Variants in LRP1B observed in about 807,000 individuals in gnomAD.
LRP1B encodes the protein low-density lipoprotein receptor-related protein 1B.
Under a neutral mutation model 556.6 loss-of-function variants are expected in LRP1B, and 217 were observed. That is an observed-to-expected ratio of 0.39 (90% CI 0.35 to 0.44). The LOEUF (loss-of-function observed/expected upper bound fraction) is 0.44. LRP1B is among the 20% of genes least tolerant of loss of function. The pLI is 1.00. For missense variants in LRP1B, 5,053 were observed against 5,620.8 expected (o/e 0.90, Z 3.23); for synonymous variants, 2,047 against 1,865.8 (o/e 1.10, Z -2.50).
At chr2:140,608,327 T>C (rs968137648) in intron 41 of LRP1B, among the ~76,000 whole-genome samples, 3 of 152,170 alleles carry the variant, frequency 2.0e-5, no homozygotes, top group African/African-American at 4.8e-5. Context: ...CTGGTTCCAG[T>C]GAATGAGAAC....
At chr2:140,345,944 C>G (rs1681655620) in intron 77 of LRP1B, among the ~76,000 whole-genome samples, 1 of 149,418 alleles carries the variant, frequency 6.7e-6, no homozygotes, top group South Asian at 2.1e-4. Flanking sequence ...GGCCTTTACT[C>G]ATCTTATCTT....
intron 7 of LRP1B, among the ~76,000 whole-genome samples, chr2:141,141,572 C>G (rs2105056960): frequency 6.6e-6 from 1 of 152,216 alleles, no homozygotes; most frequent in East Asian, 1.9e-4. Flanking sequence ...GTTTTATCAT[C>G]AACGATGATT....
chr2:141,469,808 A>C (rs1682391889), intron 3 of LRP1B, among the ~76,000 whole-genome samples: 1 of 152,124 alleles, frequency 6.6e-6, no homozygotes, highest in Non-Finnish European at 1.5e-5. Flanking sequence ...TCAATGTTTC[A>C]CTTTCCAGGG....
chr2:142,006,176 T>A (rs76601560), intron 1 of LRP1B, among the ~76,000 whole-genome samples: 2,307 of 152,290 alleles, frequency 0.015, 30 homozygotes, highest in East Asian at 0.067. Flanking sequence ...CATCCTTGCA[T>A]GTTTTAAGTT....
intron 76 of LRP1B, among the ~76,000 whole-genome samples, chr2:140,351,355 C>T (rs1292239691): frequency 6.6e-6 from 1 of 151,900 alleles, no homozygotes; most frequent in African/African-American, 2.4e-5. Context: ...GGTTATAATG[C>T]ATCAATTGTC....
At chr2:140,779,753 AGAGTGTGTGTGT>A (rs1304154948) in intron 32 of LRP1B, among the ~76,000 whole-genome samples, 2 of 134,006 alleles carry the variant, frequency 1.5e-5, no homozygotes, top group African/African-American at 2.8e-5. Context: ...TCTCTGTGAG[AGAGTGTGTGTGT>A]GTGTGTGTGT....
chr2:141,856,143 G>T (rs1046802191), intron 1 of LRP1B, among the ~76,000 whole-genome samples: 3 of 152,016 alleles, frequency 2.0e-5, no homozygotes, highest in Admixed American at 1.3e-4. Context: ...TTCATTTTAT[G>T]CAACCTTCTT....
chr2:141,634,608 T>C lies in LRP1B; in HGVS notation c.206-154075A>G, dbSNP rs1689036370. Among the ~76,000 whole-genome samples, 6 of 152,046 alleles carry C rather than the reference T, an allele frequency of 3.9e-5. No homozygotes were observed. In the South Asian group the frequency reaches 1.2e-3, roughly 31 times the overall value. On this transcript the variant is annotated intron_variant, in intron 2 of 90. Transcript: ENST00000389484. The stretch of plus-strand genomic sequence containing the variant: ...AAAATTTTAGAAAATGTGACTGTGC[T>C]TTATCTCACATTTATTATAAATATT...
At chr2:141,555,856 TC>T (rs1282852495) in intron 2 of LRP1B, among the ~76,000 whole-genome samples, 2 of 151,886 alleles carry the variant, frequency 1.3e-5, no homozygotes, top group Non-Finnish European at 2.9e-5. Flanking sequence ...ACAGGCACTT[TC>T]AAAAGCACTT....
chr2:140,770,366 T>C (rs914825236), intron 34 of LRP1B, among the ~76,000 whole-genome samples: 1 of 152,010 alleles, frequency 6.6e-6, no homozygotes, highest in Admixed American at 6.6e-5. Flanking sequence ...TAAAAGATCA[T>C]TCTAGAACCA....
In LRP1B at chr2:141,579,170, C is replaced by T. The variant is rs888300141; in HGVS notation, c.206-98637G>A. Among the ~76,000 whole-genome samples, 67 of 152,052 alleles carry T rather than the reference C, an allele frequency of 4.4e-4. 1 individual carries two copies. Among genetic ancestry groups the T allele is most frequent in the African/African-American group, 1.6e-3 (65 of 41,502 alleles). ...TCTTCTTTCTAAATGCAGCTGTAAACGATCTCTGCACAAACTATCCCGGTA... is the reference window on the plus strand; with the variant it reads ...TCTTCTTTCTAAATGCAGCTGTAAATGATCTCTGCACAAACTATCCCGGTA... On this transcript the variant is annotated intron_variant, in intron 2 of 90. Coordinates refer to ENST00000389484, the MANE Select transcript of LRP1B (RefSeq NM_018557.3).
intron 3 of LRP1B, among the ~76,000 whole-genome samples, chr2:141,329,153 C>T (rs1221981553): frequency 2.6e-5 from 4 of 151,954 alleles, no homozygotes; most frequent in Admixed American, 6.6e-5. Flanking sequence ...TTTGGGAGGC[C>T]GAGGTGGGTG....
chr2:140,547,455 T>C (rs1219321737), intron 43 of LRP1B, among the ~76,000 whole-genome samples: 1 of 152,196 alleles, frequency 6.6e-6, no homozygotes, highest in East Asian at 1.9e-4. Context: ...GTGCTCATAA[T>C]ATTCTCTGAT....
At position 140,715,980 on chromosome 2, in the gene LRP1B, C is replaced by A. The variant is rs2105461238; in HGVS notation, c.6016G>T (p.Glu2006Ter). The A allele has an allele frequency of 6.3e-7, 1 of 1,576,118 alleles. No homozygotes were observed. Among genetic ancestry groups the A allele is most frequent in the South Asian group, 1.2e-5 (1 of 84,416 alleles). The change falls in exon 37 of 91, where the codon GAG becomes TAG. Residue 2006 changes from glutamate (E) to a stop codon, truncating the protein, a stop_gained. Transcript: ENST00000389484. LOFTEE classifies it high-confidence loss of function. ...DQPRSIAVHP[E>*]KGLLFWTEWG... ...CGTAAATCTTAAAATTACCCTTTCT[C>A]TGGGTGCACAGCTATAGATCTTGGT... is the stretch of plus-strand genomic sequence containing the variant.
chr2:142,084,225 G>A (rs984817848), intron 1 of LRP1B, among the ~76,000 whole-genome samples: 14 of 151,990 alleles, frequency 9.2e-5, no homozygotes, highest in African/African-American at 3.4e-4. Flanking sequence ...CAGGTGATCC[G>A]CCCACCTTGG....
intron 86 of LRP1B, among the ~76,000 whole-genome samples, chr2:140,262,893 C>A (rs1003594402): frequency 6.6e-6 from 1 of 152,038 alleles, no homozygotes; most frequent in African/African-American, 2.4e-5. Context: ...CAAAAAGGGG[C>A]TATGGAAATG....
At chr2:141,248,904 G>C (rs1684164173) in intron 4 of LRP1B, among the ~76,000 whole-genome samples, 1 of 152,148 alleles carries the variant, frequency 6.6e-6, no homozygotes, top group Non-Finnish European at 1.5e-5. Flanking sequence ...TGGAAATGAA[G>C]AGGAAATAGA....
intron 7 of LRP1B, among the ~76,000 whole-genome samples, chr2:141,074,589 C>CTCTCTCTCTATATA (rs10643830): frequency 2.9e-5 from 4 of 136,474 alleles, no homozygotes; most frequent in African/African-American, 1.1e-4. Flanking sequence ...CTCTCTCTCT[C>CTCTCTCTCTATATA]TATATATATA....
chr2:140,432,178 A>G (rs1685975231), intron 66 of LRP1B, among the ~76,000 whole-genome samples: 1 of 151,286 alleles, frequency 6.6e-6, no homozygotes, highest in Admixed American at 6.6e-5. Flanking sequence ...TGGCTCAAAA[A>G]CTCCCCTACT....
Sources: gnomAD v4.1 joint callset for allele counts (sites outside exome capture counted in the v4.1 genomes callset) on GRCh38, gnomAD v4.1.1 for gene constraint, MANE v1.5 for transcripts, NCBI Gene and HGNC (gene_info 2026-07-23, HGNC 2026-07-21) for gene names.